Variants in ANKRD44 observed in about 807,000 individuals in gnomAD.
The protein encoded by ANKRD44 is ankyrin repeat domain 44.
A neutral mutation model predicts 116.0 loss-of-function variants in ANKRD44; 35 were observed. The ratio of observed to expected loss-of-function variants is 0.30; its 90% CI spans 0.23 to 0.40. The LOEUF (loss-of-function observed/expected upper bound fraction) is 0.40, where lower values mean the gene tolerates loss of function less well. ANKRD44 is among the 10% of genes least tolerant of loss of function. ANKRD44 has a pLI of 1.00. For missense variants in ANKRD44, 1,014 were observed against 1,242.6 expected, an observed-to-expected ratio of 0.82 and a Z score of 2.77; for synonymous variants, 435 against 461.8, an observed-to-expected ratio of 0.94 and a Z score of 0.74.
chr2:197,254,618 C>CACACACAG (rs1553540961), intron 1 of ANKRD44, among the ~76,000 whole-genome samples: 3 of 149,084 alleles, frequency 2.0e-5, no homozygotes, highest in African/African-American at 7.5e-5. Context: ...CACACACACA[C>CACACACAG]ACACACACAC....
chr2:197,188,414 GT>G (rs2080739618), intron 1 of ANKRD44, among the ~76,000 whole-genome samples: 1 of 152,188 alleles, frequency 6.6e-6, no homozygotes. Flanking sequence ...AACCTGATAT[GT>G]TACTGACCAG....
chr2:197,309,630 A>G (rs575874803), intron 1 of ANKRD44, among the ~76,000 whole-genome samples: 9 of 152,184 alleles, frequency 5.9e-5, no homozygotes, highest in Non-Finnish European at 8.8e-5. Context: ...TCTGCCTACC[A>G]GGACCCCAAA....
At chr2:197,137,762 A>T (rs2079255979) in intron 3 of ANKRD44, among the ~76,000 whole-genome samples, 1 of 152,224 alleles carries the variant, frequency 6.6e-6, no homozygotes, top group Non-Finnish European at 1.5e-5. Flanking sequence ...TACAAGGGTT[A>T]TCATACTATG....
intron 16 of ANKRD44, among the ~76,000 whole-genome samples, chr2:197,072,205 A>G (rs913258607): frequency 2.0e-5 from 3 of 152,184 alleles, no homozygotes; most frequent in Non-Finnish European, 4.4e-5. Flanking sequence ...AAAACAAAAA[A>G]TCTTCCTTTT....
intron 2 of ANKRD44, among the ~76,000 whole-genome samples, chr2:197,168,136 T>C (rs1214594350): frequency 6.6e-6 from 1 of 152,014 alleles, no homozygotes; most frequent in African/African-American, 2.4e-5. Context: ...GACATGTGAG[T>C]GAAGTCACCT....
intron 27 of ANKRD44, among the ~76,000 whole-genome samples, chr2:196,993,063 G>T (rs1291828402): frequency 1.3e-5 from 2 of 152,084 alleles, no homozygotes; most frequent in Admixed American, 6.6e-5. Context: ...CAGATCAGGG[G>T]AAGCTTCAAG....
chr2:197,202,662 T>A (rs879748862), intron 1 of ANKRD44, among the ~76,000 whole-genome samples: 1 of 152,076 alleles, frequency 6.6e-6, no homozygotes, highest in Non-Finnish European at 1.5e-5. Flanking sequence ...AAGCTCGACC[T>A]CCCTGGGGTC....
chr2:197,137,796 T>A (rs1178428523), intron 3 of ANKRD44, among the ~76,000 whole-genome samples: 1 of 152,226 alleles, frequency 6.6e-6, no homozygotes, highest in Non-Finnish European at 1.5e-5. Context: ...GAGCCACTGA[T>A]GAATTGTTGC....
Position 196,979,554 on chromosome 2 carries a change from CTTTTT to C in ANKRD44, c.2369-12113_2369-12109del, listed in dbSNP as rs71012942. Among the ~76,000 whole-genome samples the C allele has an allele frequency of 5.2e-4, 31 of 59,636 alleles. 2 individuals are homozygous for C. Among genetic ancestry groups the C allele is most frequent in the East Asian group, 1.3e-3 (2 of 1,540 alleles). The allele number at this position is 59,636 out of a possible 152,430, so 39.1% of individuals were successfully genotyped here. The stretch of plus-strand genomic sequence containing the variant: ...CAGCCTGAGTAATTTAATAAGATGA[CTTTTT>C]TTTTTTTTTTTTTTTTTTTTTAAGA... On this transcript the variant is annotated intron_variant, in intron 21 of 21. Transcript: ENST00000424317.
chr2:197,157,833 T>C (rs1308806270), intron 2 of ANKRD44, among the ~76,000 whole-genome samples: 1 of 152,192 alleles, frequency 6.6e-6, no homozygotes, highest in Non-Finnish European at 1.5e-5. Context: ...GTAAATGGTT[T>C]ATGCCTAACC....
chr2:197,090,494 C>CTTT lies in ANKRD44; in HGVS notation c.1101-465_1101-463dup, dbSNP rs372830692. ...GTTTCCTTTCTTTTTTTTCTTTTCACTTTTTTTTTTTTTTTTGAGACAGAG... is the reference window on the plus strand; with the variant it reads ...GTTTCCTTTCTTTTTTTTCTTTTCACTTTTTTTTTTTTTTTTTTTGAGACAGAG... On this transcript the variant is annotated intron_variant, in intron 10 of 27. Transcript: ENST00000282272. Among the ~76,000 whole-genome samples, 56 of 138,142 alleles carry CTTT rather than the reference C, an allele frequency of 4.1e-4. 1 individual carries two copies. The highest frequency in any genetic ancestry group is 1.2e-3 in the African/African-American group (45 of 37,154). 90.6% of individuals were successfully genotyped at this position (138,142 alleles called of 152,430 possible).
intron 21 of ANKRD44, among the ~76,000 whole-genome samples, chr2:196,978,120 A>G (rs2075773112): frequency 6.6e-6 from 1 of 152,088 alleles, no homozygotes; most frequent in African/African-American, 2.4e-5. Flanking sequence ...ATAATCCCCA[A>G]TGTTAGAGGG....
chr2:197,093,793 G>C (rs2078100460), intron 10 of ANKRD44, among the ~76,000 whole-genome samples: 1 of 152,126 alleles, frequency 6.6e-6, no homozygotes, highest in Non-Finnish European at 1.5e-5. Flanking sequence ...TTAGGACTTG[G>C]CTGTCTTAGC....
At chr2:197,103,314 C>T (rs1045878031) in intron 9 of ANKRD44, among the ~76,000 whole-genome samples, 1 of 151,600 alleles carries the variant, frequency 6.6e-6, no homozygotes, top group Non-Finnish European at 1.5e-5. Flanking sequence ...TTCCCTATAC[C>T]CTGGTAACAA....
At chr2:197,055,227 C>A (rs1393110618) in intron 16 of ANKRD44, among the ~76,000 whole-genome samples, 2 of 152,204 alleles carry the variant, frequency 1.3e-5, no homozygotes, top group South Asian at 2.1e-4. Context: ...TTTATAAATA[C>A]TTGGACATCC....
intron 2 of ANKRD44, among the ~76,000 whole-genome samples, chr2:197,186,211 G>T (rs1393344245): frequency 6.6e-6 from 1 of 152,066 alleles, no homozygotes; most frequent in Non-Finnish European, 1.5e-5. Context: ...GGTTCCAGGG[G>T]TTCATCACCT....
chr2:197,119,734 A>G (rs2078808416), intron 8 of ANKRD44, among the ~76,000 whole-genome samples: 1 of 152,236 alleles, frequency 6.6e-6, no homozygotes, highest in Non-Finnish European at 1.5e-5. Flanking sequence ...AACCAGAGAC[A>G]GAATACACTG....
intron 1 of ANKRD44, among the ~76,000 whole-genome samples, chr2:197,294,276 G>T (rs1219300110): frequency 6.6e-6 from 1 of 152,116 alleles, no homozygotes; most frequent in African/African-American, 2.4e-5. Flanking sequence ...CTCTCTGAAG[G>T]ATAGAGAAAA....
chr2:196,974,647 T>C (rs2075743817), intron 21 of ANKRD44, among the ~76,000 whole-genome samples: 1 of 152,082 alleles, frequency 6.6e-6, no homozygotes, highest in African/African-American at 2.4e-5. Context: ...CCCAGCACTT[T>C]GGTAGGCCAA....
Sources: gnomAD v4.1 joint callset for allele counts (sites outside exome capture counted in the v4.1 genomes callset) on GRCh38, gnomAD v4.1.1 for gene constraint, MANE v1.5 for transcripts, NCBI Gene and HGNC (gene_info 2026-07-23, HGNC 2026-07-21) for gene names.